The following ERC1 variants were observed in gnomAD, a reference collection of about 807,000 sequenced individuals.
The protein encoded by ERC1 is ELKS/RAB6-interacting/CAST family member 1, also known as RAB6 interacting protein 2.
A neutral mutation model predicts 132.0 loss-of-function variants in ERC1; 56 were observed. The observed-to-expected ratio is 0.42, with a 90% CI of 0.34 to 0.53. The LOEUF (loss-of-function observed/expected upper bound fraction) is 0.53, where lower values mean the gene tolerates loss of function less well. Among genes scored for constraint, ERC1 ranks in the 20% least tolerant of loss-of-function variants. ERC1 has a pLI of 0.03. For synonymous variants in ERC1, 478 were observed against 476.1 expected, an observed-to-expected ratio of 1.00 and a Z score of -0.05; for missense variants, 1,202 against 1,349.9, an observed-to-expected ratio of 0.89 and a Z score of 1.72.
At chr12:1,211,891 G>A (rs1475808002) in intron 12 of ERC1, among the ~76,000 whole-genome samples, 2 of 152,078 alleles carry the variant, frequency 1.3e-5, no homozygotes, top group Admixed American at 6.6e-5. Flanking sequence ...TATACAATGT[G>A]TTGTGAGAGG....
chr12:1,159,460 G>A lies in ERC1; in HGVS notation c.1737+17673G>A, dbSNP rs116722440. Among the ~76,000 whole-genome samples the A allele has an allele frequency of 1.9e-3, 296 of 152,272 alleles. 2 individuals carry two copies. Among genetic ancestry groups the A allele is most frequent in the African/African-American group, 6.9e-3 (285 of 41,550 alleles). Reference sequence around the variant, plus strand: ...TCTCACCGCTTACTTCCTGCTGTGCGGCCCAGTTCCTAACAGGCCACAGAC... The same window carrying A: ...TCTCACCGCTTACTTCCTGCTGTGCAGCCCAGTTCCTAACAGGCCACAGAC... On this transcript the variant is annotated intron_variant, in intron 8 of 18. Transcript: ENST00000360905.
chr12:1,466,767 A>G (rs2093751472), intron 18 of ERC1, among the ~76,000 whole-genome samples: 1 of 152,200 alleles, frequency 6.6e-6, no homozygotes, highest in South Asian at 2.1e-4. Context: ...CCTTTCTAAA[A>G]GAGTTGTGTA....
chr12:1,213,604 G>T (rs545303652), intron 12 of ERC1, among the ~76,000 whole-genome samples: 51 of 152,040 alleles, frequency 3.4e-4, no homozygotes, highest in Non-Finnish European at 3.7e-4. Context: ...GGTTGTGGTG[G>T]TGGGCACCTG....
chr12:1,495,099 CT>C lies in ERC1; in HGVS notation c.*4870del. ...CACAGTTTGTGACCCCATAACCACC[CT>C]CACCCGACGTGGGTTCTAGCTCAGT... On this transcript the variant is annotated 3_prime_UTR_variant, in exon 19 of 19. Transcript: ENST00000360905. 1 of 229,948 alleles carries C rather than the reference CT, an allele frequency of 4.3e-6. No individual in the cohort carries two copies. Among genetic ancestry groups the C allele is most frequent in the Non-Finnish European group, 8.6e-6 (1 of 115,978 alleles). 14.2% of individuals were successfully genotyped at this position (229,948 alleles called of 1,614,324 possible).
At chr12:1,008,827 A>G (rs959672449) in intron 1 of ERC1, among the ~76,000 whole-genome samples, 9 of 152,206 alleles carry the variant, frequency 5.9e-5, no homozygotes, top group African/African-American at 1.9e-4. Flanking sequence ...TAAAGTTTCA[A>G]TTCCCGTGAA....
At chr12:1,385,031 C>T (rs903892912) in intron 16 of ERC1, among the ~76,000 whole-genome samples, 30 of 152,312 alleles carry the variant, frequency 2.0e-4, no homozygotes, top group Non-Finnish European at 3.5e-4. Context: ...ATGCACTTTA[C>T]GAGTACACCC....
intron 13 of ERC1, among the ~76,000 whole-genome samples, chr12:1,258,255 A>T (rs1026391827): frequency 1.3e-5 from 2 of 152,210 alleles, no homozygotes; most frequent in African/African-American, 4.8e-5. Flanking sequence ...AGGAGGAATT[A>T]GGGATAGTAC....
At chr12:1,380,165 C>G (rs991044373) in intron 16 of ERC1, 3 of 152,270 alleles carry the variant, frequency 2.0e-5, no homozygotes, top group Non-Finnish European at 4.4e-5. Context: ...TTCCCCTCGT[C>G]AGCTCACTTG....
intron 13 of ERC1, among the ~76,000 whole-genome samples, 177 bp from the exon 14 acceptor site, chr12:1,262,857 C>A (rs1342916273): frequency 6.8e-6 from 1 of 146,906 alleles, no homozygotes; most frequent in Non-Finnish European, 1.5e-5. Flanking sequence ...ACTTCTTCAG[C>A]CTCCTTCTTT....
intron 12 of ERC1, among the ~76,000 whole-genome samples, chr12:1,223,162 C>A (rs1274550081): frequency 6.6e-6 from 1 of 152,114 alleles, no homozygotes; most frequent in Admixed American, 6.6e-5. Context: ...TCATAAAGTA[C>A]AGTAAAACAG....
chr12:1,378,945 G>GGGA (rs1170263898), intron 16 of ERC1, among the ~76,000 whole-genome samples: 1 of 152,152 alleles, frequency 6.6e-6, no homozygotes, highest in Non-Finnish European at 1.5e-5. Flanking sequence ...CACTATCAAA[G>GGGA]GGAAGCACAT....
At chr12:1,426,070 A>G (rs1043694947) in intron 17 of ERC1, among the ~76,000 whole-genome samples, 1 of 151,902 alleles carries the variant, frequency 6.6e-6, no homozygotes, top group Admixed American at 6.6e-5. Flanking sequence ...GCTTTTGCAT[A>G]GTATCTGAAG....
intron 18 of ERC1, among the ~76,000 whole-genome samples, chr12:1,468,671 A>G (rs1449596805): frequency 6.6e-6 from 1 of 152,110 alleles, no homozygotes; most frequent in Non-Finnish European, 1.5e-5. Flanking sequence ...AAGAAAGGAA[A>G]GAAAGAGCCT....
At chr12:1,082,873 G>A (rs899879813) in intron 2 of ERC1, among the ~76,000 whole-genome samples, 10 of 152,146 alleles carry the variant, frequency 6.6e-5, no homozygotes, top group Non-Finnish European at 7.4e-5. Context: ...TTTAGTTTCC[G>A]TGTTAATATC....
intron 16 of ERC1, among the ~76,000 whole-genome samples, chr12:1,395,743 A>G (rs2090481895): frequency 2.6e-5 from 4 of 152,186 alleles, no homozygotes; most frequent in African/African-American, 9.7e-5. Flanking sequence ...ATGAGATGGA[A>G]GAGAACAGTT....
chr12:1,120,403 G>T (rs138416150), intron 7 of ERC1, among the ~76,000 whole-genome samples: 290 of 152,236 alleles, frequency 1.9e-3, no homozygotes, highest in African/African-American at 6.7e-3. Context: ...CATAGTAATG[G>T]CATGGGTTAG....
intron 3 of ERC1, among the ~76,000 whole-genome samples, chr12:1,099,559 C>T (rs529365610): frequency 6.6e-6 from 1 of 152,302 alleles, no homozygotes; most frequent in African/African-American, 2.4e-5. Flanking sequence ...TTCTTTATAA[C>T]ACTTTTTACA....
At chr12:1,388,345 C>CAAAAAA (rs34634557) in intron 16 of ERC1, among the ~76,000 whole-genome samples, 2 of 85,084 alleles carry the variant, frequency 2.4e-5, no homozygotes, top group Non-Finnish European at 4.9e-5. Context: ...GACTCTGTCT[C>CAAAAAA]AAAAAAAAAA....
intron 12 of ERC1, among the ~76,000 whole-genome samples, chr12:1,218,181 A>T (rs1318227700): frequency 1.3e-5 from 2 of 152,182 alleles, no homozygotes; most frequent in East Asian, 1.9e-4. Context: ...TTGTCTCCTC[A>T]TCAAATCTAC....
Sources: allele counts gnomAD v4.1 joint callset (sites outside exome capture counted in the v4.1 genomes callset), GRCh38; gene constraint gnomAD v4.1.1; transcripts MANE v1.5; gene names NCBI Gene and HGNC (gene_info 2026-07-23, HGNC 2026-07-21).